CABIN1: variants seen among roughly 807,000 people sequenced by gnomAD.
CABIN1 encodes calcineurin binding protein 1.
In CABIN1, 133 loss-of-function variants were observed where a neutral mutation model predicts 227.7. That is an observed-to-expected ratio of 0.58 (90% CI 0.51 to 0.67). CABIN1 has a LOEUF of 0.67. Among genes scored for constraint, CABIN1 ranks in the 30% least tolerant of loss-of-function variants. The pLI is 0.00. For missense variants in CABIN1, 2,408 were observed against 2,852.5 expected (o/e 0.84, Z 3.55); for synonymous variants, 1,086 against 1,155.1 (o/e 0.94, Z 1.21).
rs749310486 is a variant in CABIN1, at chr22:24,042,922, A to T, written c.364A>T (p.Thr122Ser). The change falls in exon 6 of 37, where the codon ACA (threonine) becomes TCA (serine). Residue 122 changes from threonine to serine, a missense_variant. Coordinates refer to ENST00000263119, the MANE Select transcript of CABIN1 (RefSeq NM_012295.4). ...CTTCCAGGCAGTGATGCTGGACTCC[A>T]CAGATGTCAACCTCTGGTATAAGAT... ...FYLEAVMLDS[T>S]DVNLWYKIGH... 4 of 1,603,136 alleles carry T rather than the reference A, an allele frequency of 2.5e-6. No homozygotes were observed. The South Asian group carries it at 4.4e-5, about 18-fold the overall frequency.
At chr22:24,091,500 C>G in intron 23 of CABIN1, 83 bp from the exon 24 acceptor site, 1 of 1,561,408 alleles carries the variant, frequency 6.4e-7, no homozygotes, top group Non-Finnish European at 8.8e-7. Flanking sequence ...GCAAATAGGT[C>G]GGCAGAGCTT....
Position 24,060,040 on chromosome 22 carries a change from G to A in CABIN1, c.1516G>A (p.Gly506Ser). 6.2e-7 allele frequency: 1 copy of A among 1,614,180 alleles called. No homozygotes were observed. The highest frequency in any genetic ancestry group is 1.7e-5 in the Admixed American group (1 of 60,014). The part of the protein sequence containing the change: ...GHKFLVRWPP[G>S]LAEVVLSVYH... Reference sequence around the variant, plus strand: ...CAAGTTCTTGGTAAGGTGGCCTCCAGGCTTGGCGGAGGTCGTGCTCAGCGT... The same window carrying A: ...CAAGTTCTTGGTAAGGTGGCCTCCAAGCTTGGCGGAGGTCGTGCTCAGCGT... Residue 506 changes from glycine (G) to serine (S), a missense_variant, in exon 12 of 37, where the codon GGC (glycine) becomes AGC (serine). Physicochemically the swap from Gly to Ser is moderately conservative, Grantham distance 56. Around this residue, in one of 3 missense-constraint regions of CABIN1, gnomAD observed 1,045 missense variants for 1,168.4 expected, o/e 0.89. Coordinates refer to ENST00000263119, the MANE Select transcript of CABIN1 (RefSeq NM_012295.4).
intron 14 of CABIN1, 93 bp from the exon 15 acceptor site, chr22:24,063,942 T>C: frequency 6.6e-7 from 1 of 1,524,500 alleles, no homozygotes; most frequent in Non-Finnish European, 9.1e-7. Flanking sequence ...CCTCATGGCC[T>C]CCACAGTCTA....
intron 17 of CABIN1, 176 bp downstream of exon 17, chr22:24,071,218 C>T: frequency 1.2e-6 from 1 of 802,134 alleles, no homozygotes; most frequent in Non-Finnish European, 2.0e-6. Context: ...GGCTGCAAAC[C>T]TTCCTGGGGC....
chr22:24,056,235 G>A lies in CABIN1; in HGVS notation c.1137G>A (p.Arg379=). The A allele has an allele frequency of 6.2e-7, 1 of 1,614,100 alleles. No individual in the cohort carries two copies. Among genetic ancestry groups the A allele is most frequent in the Non-Finnish European group, 8.5e-7 (1 of 1,179,970 alleles). ...ATAAATCCAAGAAAGGGGTAAAACG[G>A]AAGAAGATTTCAGAAGAGAGTGGAG... ...GGDKSKKGVK[R]KKISEESGET... Residue 379 remains arginine (R), a synonymous_variant, in exon 10 of 37, where the codon CGG becomes CGA. Coordinates refer to ENST00000263119, the MANE Select transcript of CABIN1 (RefSeq NM_012295.4).
chr22:24,160,074 C>G (rs2046061497), intron 29 of CABIN1, among the ~76,000 whole-genome samples: 1 of 152,144 alleles, frequency 6.6e-6, no homozygotes, highest in Admixed American at 6.5e-5. Context: ...CCCCTGGGTC[C>G]TGTCCCACTT....
chr22:24,178,346 C>A lies in CABIN1; in HGVS notation c.*150C>A. On this transcript the variant is annotated 3_prime_UTR_variant, in exon 37 of 37. Transcript: ENST00000263119. The stretch of plus-strand genomic sequence containing the variant: ...TGCCCAGCCCACCTCCTCATGGCAT[C>A]CTCCCTGTACCCAGGTCAGGCTGTC... The A allele has an allele frequency of 1.1e-6, 1 of 930,790 alleles. No individual in the cohort carries two copies. Among genetic ancestry groups the A allele is most frequent in the Non-Finnish European group, 1.6e-6 (1 of 619,656 alleles). 57.7% of individuals were successfully genotyped at this position (930,790 alleles called of 1,614,324 possible). A position where few individuals can be genotyped will look rare whatever the true frequency, so the allele number is the denominator to read the frequency against.
At chr22:24,133,478 G>A (rs531658741) in intron 28 of CABIN1, among the ~76,000 whole-genome samples, 4 of 152,384 alleles carry the variant, frequency 2.6e-5, no homozygotes, top group East Asian at 1.9e-4. Context: ...TGGGAAAGGC[G>A]AGCAAGGGAC....
At chr22:24,156,832 G>A (rs1028327935) in intron 29 of CABIN1, among the ~76,000 whole-genome samples, 2 of 152,148 alleles carry the variant, frequency 1.3e-5, no homozygotes, top group African/African-American at 4.8e-5. Context: ...GCACTTGGTT[G>A]TTTGTCGTTT....
chr22:24,112,423 C>T (rs574923287), intron 26 of CABIN1, among the ~76,000 whole-genome samples: 1 of 152,276 alleles, frequency 6.6e-6, no homozygotes, highest in South Asian at 2.1e-4. Flanking sequence ...TTACCTTGTG[C>T]TTAGTAGGGG....
intron 28 of CABIN1, among the ~76,000 whole-genome samples, chr22:24,130,581 T>C (rs1311554556): frequency 6.6e-6 from 1 of 152,092 alleles, no homozygotes; most frequent in Non-Finnish European, 1.5e-5. Context: ...ATGCTGCAGG[T>C]GCACCGTGCA....
At chr22:24,159,785 G>A (rs1446979172) in intron 29 of CABIN1, among the ~76,000 whole-genome samples, 1 of 152,136 alleles carries the variant, frequency 6.6e-6, no homozygotes, top group African/African-American at 2.4e-5. Context: ...TTGCCCAAGG[G>A]ACTTAATTAT....
chr22:24,170,759 C>CG lies in CABIN1; in HGVS notation c.5758-954_5758-953insG, dbSNP rs945424252. 1.6e-3 allele frequency among the ~76,000 whole-genome samples: 245 copies of CG among 148,934 alleles called. 3 individuals carry two copies. The highest frequency in any genetic ancestry group is 6.0e-3 in the African/African-American group (241 of 40,072). ...CATCGGTGGTAGCAAACTGCCCCCC[C>CG]CCCCGCCCCCATGCACTGAGGTACC... On this transcript the variant is annotated intron_variant, in intron 33 of 36. Transcript: ENST00000263119.
At chr22:24,133,277 G>T (rs922846342) in intron 28 of CABIN1, among the ~76,000 whole-genome samples, 4 of 152,234 alleles carry the variant, frequency 2.6e-5, no homozygotes, top group African/African-American at 7.2e-5. Context: ...GCTAGCATGG[G>T]CCCCACAGCC....
chr22:24,075,968 A>T (rs1407577780), intron 18 of CABIN1, among the ~76,000 whole-genome samples: 1 of 151,752 alleles, frequency 6.6e-6, no homozygotes, highest in Non-Finnish European at 1.5e-5. Context: ...GTGTTTTGAT[A>T]AGCGTGTATT....
At chr22:24,031,833 C>T (rs946292102) in intron 1 of CABIN1, among the ~76,000 whole-genome samples, 3 of 152,130 alleles carry the variant, frequency 2.0e-5, no homozygotes, top group African/African-American at 7.2e-5. Flanking sequence ...GCAGGTCTGG[C>T]CATGGGCTGT....
intron 27 of CABIN1, 24 bp from the exon 28 acceptor site, chr22:24,119,343 T>C: frequency 6.2e-7 from 1 of 1,603,520 alleles, no homozygotes; most frequent in Non-Finnish European, 8.5e-7. Flanking sequence ...AGGGTGACTT[T>C]CTTTCCCTTC....
At chr22:24,046,482 C>T (rs965836829) in intron 6 of CABIN1, among the ~76,000 whole-genome samples, 2 of 152,066 alleles carry the variant, frequency 1.3e-5, no homozygotes, top group South Asian at 2.1e-4. Flanking sequence ...GGTGCTCCTC[C>T]CACAGTTTGG....
At chr22:24,052,146 G>A (rs1276066021) in intron 8 of CABIN1, among the ~76,000 whole-genome samples, 1 of 152,178 alleles carries the variant, frequency 6.6e-6, no homozygotes, top group Non-Finnish European at 1.5e-5. Context: ...AACACTAGAA[G>A]GGATTGTGGT....
Sources: allele counts gnomAD v4.1 joint callset (sites outside exome capture counted in the v4.1 genomes callset), GRCh38; gene constraint gnomAD v4.1.1; regional missense constraint gnomAD v4.1.1; transcripts MANE v1.5; gene names NCBI Gene and HGNC (gene_info 2026-07-23, HGNC 2026-07-21).